The following C2CD5 variants were observed in gnomAD, a reference collection of about 807,000 sequenced individuals.
C2CD5 encodes C2 calcium dependent domain containing 5, also known as C2 domain-containing protein 5.
C2CD5 carries 109 observed loss-of-function variants against 130.3 expected under a neutral mutation model. The observed-to-expected ratio is 0.84, with a 90% CI of 0.72 to 0.98. C2CD5 has a LOEUF of 0.98. Ranked by LOEUF, C2CD5 falls within the 50% of genes least tolerant of loss-of-function variation. C2CD5 has a pLI of 0.00. For missense variants in C2CD5, 996 were observed against 1,261.8 expected (o/e 0.79, Z 3.19); for synonymous variants, 454 against 429.2 (o/e 1.06, Z -0.71).
chr12:22,509,167 C>T (rs550078920), intron 9 of C2CD5, among the ~76,000 whole-genome samples: 8 of 152,240 alleles, frequency 5.3e-5, no homozygotes, highest in East Asian at 1.9e-4. Flanking sequence ...CGTGAGCCAC[C>T]GCGCCCAGCC....
chr12:22,466,762 T>C (rs759146258), intron 22 of C2CD5, among the ~76,000 whole-genome samples: 5 of 152,226 alleles, frequency 3.3e-5, no homozygotes, highest in Non-Finnish European at 7.3e-5. Flanking sequence ...CACTTTTAAG[T>C]GTTTACTGAT....
intron 9 of C2CD5, chr12:22,512,699 TAAA>T (rs200568343): frequency 2.2e-5 from 27 of 1,239,690 alleles, no homozygotes; most frequent in South Asian, 6.4e-5. Flanking sequence ...GAAGTTTATT[TAAA>T]AAAAAAAAAG....
rs956369897 is a variant in C2CD5, at chr12:22,448,792, A to C, written c.*968T>G. ...CAACGGGCATTTGGCGTCGACAGAA[A>C]AAGTCTTTCTATGTATACATTCAAC... On this transcript the variant is annotated 3_prime_UTR_variant, in exon 27 of 27. Transcript: ENST00000446597. 1 of 152,588 alleles carries C rather than the reference A, an allele frequency of 6.6e-6. No individual in the cohort carries two copies. The highest frequency in any genetic ancestry group is 2.4e-5 in the African/African-American group (1 of 41,450). The allele number at this position is 152,588 out of a possible 1,614,324, so 9.5% of individuals were successfully genotyped here.
intron 11 of C2CD5, among the ~76,000 whole-genome samples, chr12:22,491,655 C>T (rs951728542): frequency 3.9e-5 from 6 of 151,956 alleles, no homozygotes; most frequent in African/African-American, 1.2e-4. Flanking sequence ...GGACAGATCA[C>T]GAGGTCAGGA....
intron 18 of C2CD5, 53 bp downstream of exon 18, chr12:22,472,233 T>C (rs910798408): frequency 4.0e-5 from 44 of 1,089,888 alleles, no homozygotes; most frequent in Non-Finnish European, 5.9e-5. Flanking sequence ...TAAATGGAAC[T>C]TACTAAAATA....
At chr12:22,510,191 A>G (rs1048030434) in intron 9 of C2CD5, among the ~76,000 whole-genome samples, 5 of 152,120 alleles carry the variant, frequency 3.3e-5, no homozygotes, top group Non-Finnish European at 5.9e-5. Flanking sequence ...GGCAAGAAGA[A>G]CAGAACTTCA....
At chr12:22,454,575 T>TA (rs1383212442) in intron 25 of C2CD5, among the ~76,000 whole-genome samples, 1 of 151,888 alleles carries the variant, frequency 6.6e-6, no homozygotes, top group Non-Finnish European at 1.5e-5. Context: ...TTTCATTTTT[T>TA]TTTTTTTTTT....
At chr12:22,512,764 A>C in intron 9 of C2CD5, 6 of 867,460 alleles carry the variant, frequency 6.9e-6, no homozygotes, top group Non-Finnish European at 1.0e-5. Context: ...CCCAATGAAC[A>C]AATATAGCTA....
intron 4 of C2CD5, among the ~76,000 whole-genome samples, chr12:22,527,317 CAT>C (rs996090197): frequency 2.6e-4 from 34 of 131,714 alleles, no homozygotes; most frequent in East Asian, 1.4e-3. Flanking sequence ...ATATTATATA[CAT>C]ATATATATAT....
intron 3 of C2CD5, among the ~76,000 whole-genome samples, chr12:22,528,981 T>G (rs2137115352): frequency 6.6e-6 from 1 of 152,314 alleles, no homozygotes; most frequent in African/African-American, 2.4e-5. Context: ...TTTGTTTATT[T>G]ATAAGGGGTC....
At chr12:22,531,943 A>G (rs1407343075) in intron 3 of C2CD5, among the ~76,000 whole-genome samples, 1 of 152,232 alleles carries the variant, frequency 6.6e-6, no homozygotes, top group East Asian at 1.9e-4. Context: ...ATTAAACTAT[A>G]CATTAACGAA....
chr12:22,506,866 GTAAAAA>G, intron 9 of C2CD5, 47 bp from the exon 10 acceptor site: 1 of 1,207,274 alleles, frequency 8.3e-7, no homozygotes, highest in African/African-American at 1.5e-5. Flanking sequence ...TGTGTAGAGT[GTAAAAA>G]ATTTGCTTAT....
At chr12:22,472,705 T>A in intron 17 of C2CD5, 39 bp downstream of exon 17, 1 of 1,102,550 alleles carries the variant, frequency 9.1e-7, no homozygotes, top group Non-Finnish European at 1.4e-6. Context: ...CATTTATATG[T>A]AAAACTAGTT....
At chr12:22,519,045 T>TGCCTGCCTCTGCAGCCACTCTGCCCGTG in intron 7 of C2CD5, 1 of 1,400,046 alleles carries the variant, frequency 7.1e-7, no homozygotes, top group Non-Finnish European at 9.6e-7. Flanking sequence ...ACTACCTGCC[T>TGCCTGCCTCTGCAGCCACTCTGCCCGTG]GCCTGCCTCT....
In C2CD5 at chr12:22,484,865, C is replaced by A. The variant is rs371918229; in HGVS notation, c.1382G>T (p.Arg461Leu). Residue 461 changes from arginine (R) to leucine (L), a missense_variant, in exon 13 of 27, where the codon CGT (arginine) becomes CTT (leucine). Transcript: ENST00000446597. ...ATATGGTATATGACAAAATCCACAACGTGTAGGCAAATTTTCTTCAAGCCT... is the reference window on the plus strand; with the variant it reads ...ATATGGTATATGACAAAATCCACAAAGTGTAGGCAAATTTTCTTCAAGCCT... Reference protein sequence around the residue: ...EQRLEENLPTRCGFCHIPYDE... With the variant: ...EQRLEENLPTLCGFCHIPYDE... The A allele has an allele frequency of 3.9e-6, 6 of 1,544,222 alleles. No homozygotes were observed. In the East Asian group the frequency reaches 9.3e-5, roughly 24 times the overall value.
intron 16 of C2CD5, among the ~76,000 whole-genome samples, chr12:22,473,929 C>A (rs1384079552): frequency 6.6e-6 from 1 of 151,996 alleles, no homozygotes; most frequent in Non-Finnish European, 1.5e-5. Context: ...AAGTGGGGGG[C>A]AAATAACCAT....
At chr12:22,535,770 G>C (rs1340205140) in intron 2 of C2CD5, among the ~76,000 whole-genome samples, 1 of 152,130 alleles carries the variant, frequency 6.6e-6, no homozygotes, top group Non-Finnish European at 1.5e-5. Flanking sequence ...TTACTTATCA[G>C]GCTGGCAAAG....
chr12:22,460,424 T>C (rs1591940359), intron 22 of C2CD5: 2 of 152,292 alleles, frequency 1.3e-5, no homozygotes, highest in South Asian at 4.1e-4. Flanking sequence ...TAGATAAATA[T>C]GTTTTTTCAT....
rs758344226 is a variant in C2CD5 at position 22,474,745 on chromosome 12, C to G, written c.2043+6G>C. On this transcript the variant is annotated splice_donor_region_variant and intron_variant, in intron 16 of 26. Coordinates refer to ENST00000446597, the MANE Select transcript of C2CD5 (RefSeq NM_001286176.2). ...CCTTTAAGAAATTAGTCCAATGCCA[C>G]ATTACCTCCAAAACAAAAGCATCTT... 6.3e-7 allele frequency: 1 copy of G among 1,590,434 alleles called. No individual in the cohort carries two copies.
Sources: gnomAD v4.1 joint callset for allele counts (sites outside exome capture counted in the v4.1 genomes callset) on GRCh38, gnomAD v4.1.1 for gene constraint, MANE v1.5 for transcripts, NCBI Gene and HGNC (gene_info 2026-07-23, HGNC 2026-07-21) for gene names.